The following SAMD3 variants were observed in gnomAD, a reference collection of about 807,000 sequenced individuals.
The protein encoded by SAMD3 is sterile alpha motif domain containing 3.
A neutral mutation model predicts 58.5 loss-of-function variants in SAMD3; 63 were observed. The observed-to-expected ratio is 1.08, with a 90% confidence interval of 0.88 to 1.33. The LOEUF (loss-of-function observed/expected upper bound fraction) is 1.33. Among genes scored for constraint, SAMD3 ranks in the 40% most tolerant of loss-of-function variants. SAMD3 has a pLI of 0.00. For missense variants in SAMD3, 604 were observed against 608.4 expected, an observed-to-expected ratio of 0.99 and a Z score of 0.08; for synonymous variants, 220 against 210.3, an observed-to-expected ratio of 1.05 and a Z score of -0.40.
intron 1 of SAMD3, among the ~76,000 whole-genome samples, chr6:130,334,373 T>C (rs942270859): frequency 6.6e-6 from 1 of 151,100 alleles, no homozygotes; most frequent in Non-Finnish European, 1.5e-5. Context: ...ACTGTGGTCC[T>C]CACGGCATTG....
intron 2 of SAMD3, among the ~76,000 whole-genome samples, chr6:130,268,872 A>G (rs1774454630): frequency 6.6e-6 from 1 of 152,200 alleles, no homozygotes. Context: ...TTTGTCAGAT[A>G]TGTGATTTTC....
At chr6:130,189,769 A>C (rs1793358279) in intron 5 of SAMD3, among the ~76,000 whole-genome samples, 1 of 152,276 alleles carries the variant, frequency 6.6e-6, no homozygotes, top group Non-Finnish European at 1.5e-5. Context: ...CAGAAACATT[A>C]ACCATAAACA....
At chr6:130,169,883 A>G (rs1791083908) in intron 8 of SAMD3, among the ~76,000 whole-genome samples, 1 of 152,206 alleles carries the variant, frequency 6.6e-6, no homozygotes, top group Non-Finnish European at 1.5e-5. Flanking sequence ...TGATTTTACC[A>G]TTCATCAATT....
At chr6:130,266,374 A>C (rs1774357496) in intron 2 of SAMD3, among the ~76,000 whole-genome samples, 1 of 152,164 alleles carries the variant, frequency 6.6e-6, no homozygotes, top group Non-Finnish European at 1.5e-5. Context: ...TGTACCTATA[A>C]ACCCAGTTCC....
intron 8 of SAMD3, among the ~76,000 whole-genome samples, chr6:130,171,939 A>G (rs1791289551): frequency 6.6e-6 from 1 of 152,188 alleles, no homozygotes; most frequent in African/African-American, 2.4e-5. Context: ...TTCTTGTTGC[A>G]TTGATCCCTT....
chr6:130,198,019 G>T (rs1794300888), intron 5 of SAMD3, among the ~76,000 whole-genome samples: 1 of 152,052 alleles, frequency 6.6e-6, no homozygotes. Flanking sequence ...CCCCCACTGA[G>T]TACCTTGTGA....
At chr6:130,156,714 G>C (rs769744802) in intron 8 of SAMD3, among the ~76,000 whole-genome samples, 6 of 152,110 alleles carry the variant, frequency 3.9e-5, no homozygotes, top group Non-Finnish European at 8.8e-5. Flanking sequence ...CTCACACCCA[G>C]TAATCCCAAT....
chr6:130,259,779 A>G (rs540822641), intron 2 of SAMD3, among the ~76,000 whole-genome samples: 3 of 152,304 alleles, frequency 2.0e-5, no homozygotes, highest in South Asian at 4.1e-4. Context: ...GAGCCTGCCT[A>G]TCCTTTACCC....
intron 2 of SAMD3, among the ~76,000 whole-genome samples, chr6:130,284,043 C>T (rs903829219): frequency 5.3e-5 from 8 of 152,066 alleles, no homozygotes; most frequent in South Asian, 2.1e-4. Context: ...AGTAGAGACC[C>T]GGTTTTACCA....
At chr6:130,310,827 C>T (rs995700580) in intron 2 of SAMD3, among the ~76,000 whole-genome samples, 3 of 152,064 alleles carry the variant, frequency 2.0e-5, no homozygotes, top group Admixed American at 6.6e-5. Flanking sequence ...CTAATTTTTT[C>T]GACTGCAGAG....
intron 2 of SAMD3, among the ~76,000 whole-genome samples, chr6:130,290,693 A>G (rs2114962395): frequency 6.6e-6 from 1 of 152,306 alleles, no homozygotes; most frequent in East Asian, 1.9e-4. Context: ...TCTGTGATTC[A>G]GTGTTCTCAT....
intron 1 of SAMD3, among the ~76,000 whole-genome samples, chr6:130,219,123 G>A (rs117998221): frequency 0.028 from 4,196 of 152,140 alleles, 72 homozygotes; most frequent in Non-Finnish European, 0.038. Context: ...GTTTTCCTTC[G>A]TTTTAGGAAA....
chr6:130,357,358 T>C (rs1252516949), intron 1 of SAMD3, among the ~76,000 whole-genome samples: 2 of 152,018 alleles, frequency 1.3e-5, no homozygotes, highest in Non-Finnish European at 2.9e-5. Context: ...TCTCCTGACC[T>C]CATGATCTGC....
downstream of SAMD3, chr6:130,143,799 C>CA (rs1409127398): frequency 6.6e-6 from 1 of 152,168 alleles, no homozygotes; most frequent in African/African-American, 2.4e-5. Flanking sequence ...TTGTTAGACC[C>CA]AAAAAGTACT....
At chr6:130,311,228 C>T (rs2114988467) in intron 2 of SAMD3, among the ~76,000 whole-genome samples, 1 of 152,272 alleles carries the variant, frequency 6.6e-6, no homozygotes. Context: ...ATCCAGCTAC[C>T]AAAATAGTGT....
chr6:130,330,764 G>A (rs771104016), intron 1 of SAMD3, among the ~76,000 whole-genome samples: 2 of 152,068 alleles, frequency 1.3e-5, no homozygotes, highest in Non-Finnish European at 2.9e-5. Flanking sequence ...AGTGAGCATC[G>A]GCTGTTTGGG....
chr6:130,144,906 G>A, intron 11 of SAMD3, 102 bp from the exon 12 acceptor site: 1 of 1,099,188 alleles, frequency 9.1e-7, no homozygotes, highest in South Asian at 1.6e-5. Flanking sequence ...TTGTTGCAAT[G>A]TAGCATATTT....
At chr6:130,250,244 G>A (rs774006107) in intron 2 of SAMD3, among the ~76,000 whole-genome samples, 21 of 152,090 alleles carry the variant, frequency 1.4e-4, no homozygotes, top group Non-Finnish European at 2.5e-4. Context: ...ATTATTTTTG[G>A]ACACTGCATT....
intron 10 of SAMD3, 140 bp downstream of exon 10, chr6:130,145,870 G>T: frequency 2.4e-5 from 7 of 291,248 alleles, no homozygotes; most frequent in African/African-American, 2.2e-5. Context: ...TTTTAGTAAT[G>T]TAAATTTTTA....
Sources: gnomAD v4.1 joint callset for allele counts (sites outside exome capture counted in the v4.1 genomes callset) on GRCh38, gnomAD v4.1.1 for gene constraint, MANE v1.5 for transcripts, NCBI Gene and HGNC (gene_info 2026-07-23, HGNC 2026-07-21) for gene names.